NCOA2: variants seen among roughly 807,000 people sequenced by gnomAD.
NCOA2 encodes the protein nuclear receptor coactivator 2.
Under a neutral mutation model 145.1 loss-of-function variants are expected in NCOA2, and 21 were observed. The ratio of observed to expected loss-of-function variants is 0.14; its 90% CI spans 0.10 to 0.21. The LOEUF (loss-of-function observed/expected upper bound fraction) is 0.21, where lower values mean the gene tolerates loss of function less well. Ranked by LOEUF, NCOA2 falls within the 10% of genes least tolerant of loss-of-function variation. The probability of loss-of-function intolerance (pLI) is 1.00; values close to 1 mark genes in which losing one functional copy is unlikely to be tolerated. For missense variants in NCOA2, 1,472 were observed against 1,837.6 expected (o/e 0.80, Z 3.64); for synonymous variants, 619 against 637.5 (o/e 0.97, Z 0.44).
chr8:70,395,291 A>C (rs1813551733), intron 1 of NCOA2, among the ~76,000 whole-genome samples: 2 of 152,234 alleles, frequency 1.3e-5, no homozygotes. Flanking sequence ...GTAAGTGGTC[A>C]GCTACTGGAG....
At chr8:70,351,464 T>A (rs542707122) in intron 1 of NCOA2, among the ~76,000 whole-genome samples, 1 of 152,082 alleles carries the variant, frequency 6.6e-6, no homozygotes, top group South Asian at 2.1e-4. Context: ...TCTAAACATA[T>A]CCCTATTTTT....
At chr8:70,246,460 C>G (rs1586238177) in intron 2 of NCOA2, among the ~76,000 whole-genome samples, 1 of 152,060 alleles carries the variant, frequency 6.6e-6, no homozygotes, top group South Asian at 2.1e-4. Flanking sequence ...AATCTGAAGT[C>G]AACAGAAATT....
At chr8:70,364,330 G>C (rs992164233) in intron 1 of NCOA2, among the ~76,000 whole-genome samples, 19 of 152,078 alleles carry the variant, frequency 1.2e-4, no homozygotes, top group African/African-American at 4.6e-4. Context: ...TGGAGAAAAG[G>C]AAGAAAAGGT....
chr8:70,121,226 C>T lies in NCOA2; in HGVS notation c.4383+76G>A, dbSNP rs762192511. The stretch of plus-strand genomic sequence containing the variant: ...TTTAATCTACTGGTTGACAATATAT[C>T]TATGCCACTTTTGGTCTATCAAATA... On this transcript the variant is annotated intron_variant, in intron 22 of 22. Transcript: ENST00000452400. 6.7e-6 allele frequency: 8 copies of T among 1,198,648 alleles called. No individual in the cohort carries two copies. The Admixed American group carries it at 7.9e-5, about 12-fold the overall frequency. The allele number at this position is 1,198,648 out of a possible 1,614,324, so 74.3% of individuals were successfully genotyped here.
At position 70,156,398 on chromosome 8, in the gene NCOA2, G is replaced by A. The variant is rs1438997592; in HGVS notation, c.1967C>T (p.Pro656Leu). The A allele has an allele frequency of 1.9e-6, 3 of 1,613,830 alleles. No individual in the cohort carries two copies. The African/African-American group carries it at 4.0e-5, about 22-fold the overall frequency. The change falls in exon 11 of 23, where the codon CCC becomes CTC. Residue 656 changes from proline (P) to leucine (L), a missense_variant. This residue lies in a region of NCOA2 where 953 missense variants were observed against 1,062.1 expected (regional missense o/e 0.90). Coordinates refer to ENST00000452400, the MANE Select transcript of NCOA2 (RefSeq NM_006540.4). ...TTKSDQMEPS[P>L]LASSLSDTNK... ...TGTATCCGACAAAGAGCTGGCTAAG[G>A]GCGAGGGCTCCATCTGATCAGATTT...
chr8:70,354,437 T>G (rs537478565), intron 1 of NCOA2, among the ~76,000 whole-genome samples: 6 of 152,304 alleles, frequency 3.9e-5, no homozygotes, highest in African/African-American at 1.4e-4. Context: ...TAAGGTAGAT[T>G]TCAGGAGTAT....
rs377260604 is a variant in NCOA2 at position 70,324,840 on chromosome 8, T to C, written c.-76-28040A>G. ...GTCAGTTCTACCTTTCCCCCTTTAA[T>C]GAAGTTATCATTCACTCTGATCTTT... On this transcript the variant is annotated intron_variant, in intron 1 of 22. Coordinates refer to ENST00000452400, the MANE Select transcript of NCOA2 (RefSeq NM_006540.4). Among the ~76,000 whole-genome samples, 38 of 152,312 alleles carry C rather than the reference T, an allele frequency of 2.5e-4. No homozygotes were observed. The South Asian group carries it at 7.9e-3, about 32-fold the overall frequency.
chr8:70,251,422 T>A (rs929118491), intron 2 of NCOA2, among the ~76,000 whole-genome samples: 5 of 152,208 alleles, frequency 3.3e-5, no homozygotes, highest in African/African-American at 9.6e-5. Flanking sequence ...TACATTTCCA[T>A]CTCAGCATTT....
intron 2 of NCOA2, among the ~76,000 whole-genome samples, chr8:70,257,999 C>A (rs540897759): frequency 3.3e-5 from 5 of 152,126 alleles, no homozygotes; most frequent in Non-Finnish European, 5.9e-5. Context: ...CTCACTGTAA[C>A]CTCCGCCTTC....
intron 1 of NCOA2, among the ~76,000 whole-genome samples, chr8:70,320,844 G>T (rs1805990705): frequency 6.6e-6 from 1 of 152,126 alleles, no homozygotes; most frequent in Admixed American, 6.6e-5. Flanking sequence ...TGTTTTATCA[G>T]TATGATTCAC....
At position 70,156,701 on chromosome 8, in the gene NCOA2, G is replaced by A; in HGVS notation, c.1664C>T (p.Pro555Leu). ...TTGCAAATTGCCCATTTTTAGGTCT[G>A]GTGAAGCCAACGATGACCCTAATGA... ...GVSLGSSLAS[P>L]DLKMGNLQNS... Residue 555 changes from proline (P) to leucine (L), a missense_variant, in exon 11 of 23, where the codon CCA becomes CTA. By Grantham distance (98) the Pro-to-Leu change is moderately conservative. This residue lies in a region of NCOA2 where 953 missense variants were observed against 1,062.1 expected (regional missense o/e 0.90). Coordinates refer to ENST00000452400, the MANE Select transcript of NCOA2 (RefSeq NM_006540.4). 7 of 1,613,974 alleles carry A rather than the reference G, an allele frequency of 4.3e-6. No homozygotes were observed. The highest frequency in any genetic ancestry group is 5.9e-6 in the Non-Finnish European group (7 of 1,179,890).
intron 4 of NCOA2, among the ~76,000 whole-genome samples, chr8:70,198,056 C>T (rs1261648858): frequency 6.6e-6 from 1 of 152,156 alleles, no homozygotes; most frequent in East Asian, 1.9e-4. Flanking sequence ...CTGCCTTGGC[C>T]TCCCAAAGTG....
chr8:70,194,389 T>C (rs1817034200), intron 4 of NCOA2, among the ~76,000 whole-genome samples: 1 of 152,220 alleles, frequency 6.6e-6, no homozygotes, highest in African/African-American at 2.4e-5. Flanking sequence ...TCACAGTGAC[T>C]ATCTGCAAAG....
At chr8:70,426,285 TG>T in the NCOA2 span, among the ~76,000 whole-genome samples, 1 of 152,346 alleles carries the variant, frequency 6.6e-6, no homozygotes, top group East Asian at 1.9e-4. Flanking sequence ...ACACTATTTT[TG>T]TGACCGATAA....
intron 2 of NCOA2, among the ~76,000 whole-genome samples, chr8:70,223,102 C>T (rs963285094): frequency 1.3e-5 from 2 of 152,152 alleles, no homozygotes; most frequent in African/African-American, 2.4e-5. Flanking sequence ...CATTTTCTCT[C>T]CCCTTCAAGC....
chr8:70,403,245 C>T lies in NCOA2; in HGVS notation c.-77+455G>A, dbSNP rs530854969. 7.6e-3 allele frequency among the ~76,000 whole-genome samples: 1,159 copies of T among 151,526 alleles called. 11 individuals carry two copies. The highest frequency in any genetic ancestry group is 0.026 in the African/African-American group (1,066 of 41,476). On this transcript the variant is annotated intron_variant, in intron 1 of 22. Coordinates refer to ENST00000452400, the MANE Select transcript of NCOA2 (RefSeq NM_006540.4). ...CCCCGAGGGGTTAGAGCCTCGGTCT[C>T]CGCCGACCCCGCACCGGGCTGGGCA...
At chr8:70,375,355 G>A (rs1405536965) in intron 1 of NCOA2, among the ~76,000 whole-genome samples, 1 of 152,182 alleles carries the variant, frequency 6.6e-6, no homozygotes. Context: ...TGAATTCTAA[G>A]ATGAAGAAAA....
At chr8:70,166,962 A>T (rs1376979278) in intron 6 of NCOA2, among the ~76,000 whole-genome samples, 1 of 151,130 alleles carries the variant, frequency 6.6e-6, no homozygotes, top group Non-Finnish European at 1.5e-5. Context: ...CTTTTTTCCA[A>T]TTTTTTTTTC....
intron 2 of NCOA2, among the ~76,000 whole-genome samples, chr8:70,236,302 C>T (rs930371050): frequency 6.6e-6 from 1 of 152,096 alleles, no homozygotes; most frequent in East Asian, 1.9e-4. Flanking sequence ...CAATAGTCTT[C>T]GCTCCCTCCA....
Sources: gnomAD v4.1 joint callset for allele counts (sites outside exome capture counted in the v4.1 genomes callset) on GRCh38, gnomAD v4.1.1 for gene constraint, gnomAD v4.1.1 regional missense constraint, MANE v1.5 for transcripts, NCBI Gene and HGNC (gene_info 2026-07-23, HGNC 2026-07-21) for gene names.